Variants in LUZP1 observed in about 807,000 individuals in gnomAD.
LUZP1 encodes the protein leucine zipper protein 1.
LUZP1 carries 25 observed loss-of-function variants against 71.3 expected under a neutral mutation model. That is an observed-to-expected ratio of 0.35 (90% CI 0.26 to 0.49). The LOEUF is 0.49. Ranked by LOEUF, LUZP1 falls within the 20% of genes least tolerant of loss-of-function variation. LUZP1 has a pLI of 0.99. For synonymous variants in LUZP1, 481 were observed against 506.4 expected (o/e 0.95, Z 0.67); for missense variants, 1,142 against 1,300.8 (o/e 0.88, Z 1.88).
intron 3 of LUZP1, among the ~76,000 whole-genome samples, chr1:23,107,661 G>A (rs1460400528): frequency 6.6e-6 from 1 of 152,112 alleles, no homozygotes; most frequent in African/African-American, 2.4e-5. Context: ...ATTAGCCCAG[G>A]CGTGGTGGCA....
intron 2 of LUZP1, among the ~76,000 whole-genome samples, chr1:23,132,582 G>A (rs548630813): frequency 2.6e-4 from 40 of 151,620 alleles, no homozygotes; most frequent in Middle Eastern, 3.4e-3. Flanking sequence ...GGCTGATAAA[G>A]AAAAACAATT....
intron 3 of LUZP1, among the ~76,000 whole-genome samples, chr1:23,098,390 T>C (rs12058867): frequency 1.4e-4 from 21 of 152,064 alleles, no homozygotes; most frequent in African/African-American, 4.8e-4. Context: ...CTTCAAGGAA[T>C]TGAAATCATG....
intron 3 of LUZP1, among the ~76,000 whole-genome samples, chr1:23,107,209 G>A (rs1203971245): frequency 6.6e-6 from 1 of 152,052 alleles, no homozygotes; most frequent in East Asian, 1.9e-4. Flanking sequence ...CTTGATTGCT[G>A]TACATAAAGG....
intron 2 of LUZP1, among the ~76,000 whole-genome samples, chr1:23,161,422 C>G (rs1056506544): frequency 3.9e-5 from 6 of 152,108 alleles, no homozygotes; most frequent in Non-Finnish European, 5.9e-5. Context: ...TCGAGGAAGA[C>G]AGAGCCATGC....
At chr1:23,101,202 T>C (rs965752983) in intron 3 of LUZP1, among the ~76,000 whole-genome samples, 1 of 152,208 alleles carries the variant, frequency 6.6e-6, no homozygotes, top group Non-Finnish European at 1.5e-5. Context: ...CTTTACATGT[T>C]CCTACGTTAC....
At chr1:23,088,877 AAC>A (rs1309865512) in exon 5 of LUZP1, 54 of 1,612,246 alleles carry the variant, frequency 3.3e-5, no homozygotes, top group Non-Finnish European at 4.3e-5. Context: ...GAGGGCAGAC[AAC>A]AGACACCCAG....
chr1:23,139,020 ATATATATAT>A (rs1490101855), intron 2 of LUZP1, among the ~76,000 whole-genome samples: 13 of 50,532 alleles, frequency 2.6e-4, no homozygotes, highest in South Asian at 9.6e-4. Flanking sequence ...AAAAAAAAAA[ATATATATAT>A]ATATATATAT....
chr1:23,090,477 C>A (rs954817775), intron 4 of LUZP1: 1 of 187,500 alleles, frequency 5.3e-6, no homozygotes, highest in Non-Finnish European at 1.1e-5. Flanking sequence ...CAAAAAGACA[C>A]TCCCAGGGGC....
rs1163685871 is a variant in LUZP1 at position 23,094,291 on chromosome 1, A to G, written c.-30T>C. 4.7e-5 allele frequency: 73 copies of G among 1,553,164 alleles called. No homozygotes were observed. The highest frequency in any genetic ancestry group is 6.1e-5 in the Non-Finnish European group (71 of 1,154,728). On this transcript the variant is annotated 5_prime_UTR_variant, in exon 4 of 5. Coordinates refer to ENST00000302291, the Ensembl canonical transcript of LUZP1. The surrounding 1 kb of genome is among the most constrained non-coding windows in gnomAD (Gnocchi z 4.7). The stretch of plus-strand genomic sequence containing the variant: ...ACTGCCAGCCAATGTGGGCTCCTAG[A>G]GGCATCCAATTCCACTCAAGGGGAT...
chr1:23,172,867 T>TC (rs934243706), intron 1 of LUZP1, among the ~76,000 whole-genome samples: 1 of 151,848 alleles, frequency 6.6e-6, no homozygotes, highest in Non-Finnish European at 1.5e-5. Context: ...AGAGTCTCGC[T>TC]CTGTTGCTCA....
At chr1:23,088,661 A>T in exon 5 of LUZP1, 1 of 475,810 alleles carries the variant, frequency 2.1e-6, no homozygotes, top group Non-Finnish European at 3.8e-6. Flanking sequence ...ACAAGGAGAG[A>T]GAGAGGACTC....
At position 23,092,754 on chromosome 1, in the gene LUZP1, T is replaced by C; in HGVS notation, c.1508A>G (p.Lys503Arg). ...AAACGTTCGTGTTGTCTTCTCCACT[T>C]TTCCCTTCAGTCCGCTCTCGGTGCC... Residue 503 changes from lysine to arginine, a missense_variant, in exon 4 of 5, where the codon AAA becomes AGA. Transcript: ENST00000302291. 3 of 1,614,068 alleles carry C rather than the reference T, an allele frequency of 1.9e-6. No individual in the cohort carries two copies. Among genetic ancestry groups the C allele is most frequent in the Non-Finnish European group, 2.5e-6 (3 of 1,179,982 alleles).
chr1:23,085,044 A>G (rs1436629431), exon 5 of LUZP1: 8 of 152,652 alleles, frequency 5.2e-5, no homozygotes, highest in African/African-American at 1.2e-4. Context: ...GGATACATGC[A>G]GACAGGCAGC....
At chr1:23,167,587 C>T (rs1359157633) in intron 2 of LUZP1, among the ~76,000 whole-genome samples, 2 of 152,264 alleles carry the variant, frequency 1.3e-5, no homozygotes, top group African/African-American at 2.4e-5. Flanking sequence ...GCACTGGCCT[C>T]GGCATTCCCG....
intron 2 of LUZP1, among the ~76,000 whole-genome samples, chr1:23,122,123 C>T (rs1175065222): frequency 1.3e-5 from 2 of 152,026 alleles, no homozygotes; most frequent in East Asian, 3.8e-4. Flanking sequence ...TAAAGAAACA[C>T]CAAAAGACAC....
intron 2 of LUZP1, among the ~76,000 whole-genome samples, chr1:23,120,423 G>A (rs1284918080): frequency 6.6e-6 from 1 of 151,764 alleles, no homozygotes; most frequent in Non-Finnish European, 1.5e-5. Flanking sequence ...GTGCAATGGT[G>A]CAATCATGGC....
chr1:23,161,858 C>T (rs987698446), intron 2 of LUZP1, among the ~76,000 whole-genome samples: 8 of 151,734 alleles, frequency 5.3e-5, no homozygotes, highest in Non-Finnish European at 8.8e-5. Context: ...GAAACTCCGT[C>T]TCTACTAAAA....
At chr1:23,145,706 G>C (rs1427357883) in intron 2 of LUZP1, among the ~76,000 whole-genome samples, 1 of 151,614 alleles carries the variant, frequency 6.6e-6, no homozygotes, top group Non-Finnish European at 1.5e-5. Context: ...CCTGACCTCA[G>C]ATGATCCACC....
intron 2 of LUZP1, among the ~76,000 whole-genome samples, chr1:23,147,612 C>CAAAAAAAAAAAA (rs774893320): frequency 1.6e-5 from 1 of 61,464 alleles, no homozygotes. Flanking sequence ...AGTCTCTACC[C>CAAAAAAAAAAAA]AAAAAAAAAA....
Sources: gnomAD v4.1 joint callset for allele counts (sites outside exome capture counted in the v4.1 genomes callset) on GRCh38, gnomAD v4.1.1 for gene constraint, Gnocchi (gnomAD v3.1) non-coding constraint, MANE v1.5 for transcripts, NCBI Gene and HGNC (gene_info 2026-07-23, HGNC 2026-07-21) for gene names.